Variants in C6 observed in about 807,000 individuals in gnomAD.
C6 encodes complement C6.
C6 carries 101 observed loss-of-function variants against 112.9 expected under a neutral mutation model. The ratio of observed to expected loss-of-function variants is 0.89; its 90% CI spans 0.76 to 1.06. The LOEUF (loss-of-function observed/expected upper bound fraction) is 1.06, where lower values mean the gene tolerates loss of function less well. Among genes scored for constraint, C6 ranks in the 50% least tolerant of loss-of-function variants. The pLI, the probability that C6 is intolerant of heterozygous loss-of-function variation, is 0.00. For synonymous variants in C6, 431 were observed against 384.1 expected, an observed-to-expected ratio of 1.12 and a Z score of -1.43; for missense variants, 1,202 against 1,104.6, an observed-to-expected ratio of 1.09 and a Z score of -1.25.
intron 1 of C6, among the ~76,000 whole-genome samples, chr5:41,259,793 T>A (rs1181641643): frequency 6.6e-6 from 1 of 152,208 alleles, no homozygotes; most frequent in African/African-American, 2.4e-5. Flanking sequence ...CTCCCAAATG[T>A]CGTACCTATT....
chr5:41,246,387 C>T (rs556981679), intron 1 of C6, among the ~76,000 whole-genome samples: 5 of 152,316 alleles, frequency 3.3e-5, no homozygotes, highest in Admixed American at 6.5e-5. Flanking sequence ...GATGCCTTCA[C>T]ACAGATGTTT....
intron 12 of C6, 94 bp downstream of exon 12, chr5:41,158,988 C>T (rs1476319423): frequency 1.4e-6 from 2 of 1,427,658 alleles, no homozygotes; most frequent in African/African-American, 2.8e-5. Flanking sequence ...CTAATTATTT[C>T]TTTACTTAGC....
upstream of C6, among the ~76,000 whole-genome samples, chr5:41,214,790 T>G (rs947799163): frequency 2.0e-5 from 3 of 152,162 alleles, no homozygotes; most frequent in South Asian, 2.1e-4. Context: ...ATACTGGAAG[T>G]CATAATACAG....
intron 1 of C6, among the ~76,000 whole-genome samples, chr5:41,258,037 T>TA (rs1741827233): frequency 6.6e-6 from 1 of 152,156 alleles, no homozygotes; most frequent in Non-Finnish European, 1.5e-5. Flanking sequence ...CTTTACTTTT[T>TA]ATGACTTAAA....
At chr5:41,186,935 G>T (rs1439656877) in intron 5 of C6, among the ~76,000 whole-genome samples, 1 of 152,080 alleles carries the variant, frequency 6.6e-6, no homozygotes, top group Non-Finnish European at 1.5e-5. Flanking sequence ...ACTTCTCCAA[G>T]ATGCTAATGC....
At chr5:41,219,410 T>C (rs554221184) in intron 1 of C6, among the ~76,000 whole-genome samples, 20 of 152,032 alleles carry the variant, frequency 1.3e-4, no homozygotes, top group Non-Finnish European at 2.1e-4. Flanking sequence ...GGGAGGGCTG[T>C]ATTGAGCGCC....
intron 4 of C6, among the ~76,000 whole-genome samples, chr5:41,197,888 G>T (rs1363579697): frequency 6.6e-6 from 1 of 152,132 alleles, no homozygotes; most frequent in African/African-American, 2.4e-5. Context: ...TTTGAATATT[G>T]CAGGATTTGC....
chr5:41,211,858 C>T (rs1751960078), intron 1 of C6, among the ~76,000 whole-genome samples: 1 of 152,096 alleles, frequency 6.6e-6, no homozygotes, highest in South Asian at 2.1e-4. Flanking sequence ...AGTTAAATTG[C>T]AAGAGATTAC....
Position 41,155,049 on chromosome 5 carries a change from C to T in C6, c.2024G>A (p.Gly675Asp), listed in dbSNP as rs1410769332. ...GEDVEISCLT[G>D]FETVGYQYFR... Reference sequence around the variant, plus strand: ...GTACTGGTATCCAACAGTTTCAAAGCCAGTAAGGCATGAAATTTCAACATC... The same window carrying T: ...GTACTGGTATCCAACAGTTTCAAAGTCAGTAAGGCATGAAATTTCAACATC... Residue 675 changes from glycine to aspartate, a missense_variant, in exon 14 of 18, where the codon GGC becomes GAC. By Grantham distance (94) the Gly-to-Asp change is moderately conservative (BLOSUM62 -1). Transcript: ENST00000337836. 13 of 1,613,488 alleles carry T rather than the reference C, an allele frequency of 8.1e-6. No homozygotes were observed. The Admixed American group carries it at 2.2e-4, about 27-fold the overall frequency.
Position 41,184,752 on chromosome 5 carries a change from A to G in C6, c.726+1318T>C, listed in dbSNP as rs142568973. On this transcript the variant is annotated intron_variant, in intron 6 of 17. Transcript: ENST00000337836. ...GCCTCTCAAAGTGCTGGGATTACAGATGTGAGCCACCACACCCGGCTAAGC... is the reference window on the plus strand; with the variant it reads ...GCCTCTCAAAGTGCTGGGATTACAGGTGTGAGCCACCACACCCGGCTAAGC... Among the ~76,000 whole-genome samples the G allele has an allele frequency of 3.8e-3, 573 of 152,142 alleles. 8 individuals carry two copies. Among genetic ancestry groups the G allele is most frequent in the African/African-American group, 0.013 (552 of 41,520 alleles).
intron 1 of C6, among the ~76,000 whole-genome samples, chr5:41,224,554 T>G (rs1739369514): frequency 6.6e-6 from 1 of 152,182 alleles, no homozygotes; most frequent in Non-Finnish European, 1.5e-5. Context: ...TCAAGGTTCA[T>G]CCATGTTGAC....
At chr5:41,178,619 G>GC (rs911716479) in intron 7 of C6, among the ~76,000 whole-genome samples, 1 of 150,934 alleles carries the variant, frequency 6.6e-6, no homozygotes, top group Non-Finnish European at 1.5e-5. Context: ...GGGACCACAA[G>GC]CCCCCGCCAC....
At chr5:41,155,846 C>T (rs1746849096) in intron 13 of C6, among the ~76,000 whole-genome samples, 1 of 151,994 alleles carries the variant, frequency 6.6e-6, no homozygotes, top group African/African-American at 2.4e-5. Context: ...AAACCATATA[C>T]TCACCATGTA....
chr5:41,189,930 T>C (rs1304413792), intron 5 of C6, among the ~76,000 whole-genome samples: 1 of 152,202 alleles, frequency 6.6e-6, no homozygotes, highest in African/African-American at 2.4e-5. Flanking sequence ...GTTTCTCCAG[T>C]GACAAGGTTT....
At chr5:41,232,663 A>AT (rs1287730215) in intron 1 of C6, among the ~76,000 whole-genome samples, 1 of 152,076 alleles carries the variant, frequency 6.6e-6, no homozygotes, top group Admixed American at 6.6e-5. Context: ...AGTAAAAAAA[A>AT]TTTTAAGTCA....
At chr5:41,198,107 T>C (rs1390792139) in intron 4 of C6, among the ~76,000 whole-genome samples, 1 of 152,164 alleles carries the variant, frequency 6.6e-6, no homozygotes. Flanking sequence ...GCATGGGAAT[T>C]AACATAATGG....
chr5:41,231,206 A>G (rs1303215024), intron 1 of C6, among the ~76,000 whole-genome samples: 1 of 152,152 alleles, frequency 6.6e-6, no homozygotes, highest in East Asian at 1.9e-4. Context: ...GTGTTTAATT[A>G]TTGAAAGATA....
At chr5:41,162,333 T>G (rs996755360) in intron 9 of C6, among the ~76,000 whole-genome samples, 2 of 152,180 alleles carry the variant, frequency 1.3e-5, no homozygotes, top group East Asian at 3.9e-4. Context: ...ATAAGTCACA[T>G]GGCTTCTGAT....
At position 41,153,905 on chromosome 5, in the gene C6, C is replaced by T; in HGVS notation, c.2195G>A (p.Cys732Tyr). ...CCCAGCAACAACAAAGCCTTTGGGG[C>T]AAGTTAGCTCAATGGATTCACCAAT... ...YRIGESIELT[C>Y]PKGFVVAGPS... Residue 732 changes from cysteine (C) to tyrosine (Y), a missense_variant, in exon 15 of 18, where the codon TGC becomes TAC. Coordinates refer to ENST00000337836, the MANE Select transcript of C6 (RefSeq NM_000065.5). 6.2e-7 allele frequency: 1 copy of T among 1,613,556 alleles called. No homozygotes were observed. The highest frequency in any genetic ancestry group is 1.1e-5 in the South Asian group (1 of 91,080).
Sources: allele counts gnomAD v4.1 joint callset (sites outside exome capture counted in the v4.1 genomes callset), GRCh38; gene constraint gnomAD v4.1.1; transcripts MANE v1.5; gene names NCBI Gene and HGNC (gene_info 2026-07-23, HGNC 2026-07-21).